The following STARD13 variants were observed in gnomAD, a reference collection of about 807,000 sequenced individuals.
The protein encoded by STARD13 is StAR related lipid transfer domain containing 13.
STARD13 carries 62 observed loss-of-function variants against 106.4 expected under a neutral mutation model. The observed-to-expected ratio is 0.58, with a 90% CI of 0.48 to 0.72. STARD13 has a LOEUF of 0.72. Ranked by LOEUF, STARD13 falls within the 30% of genes least tolerant of loss-of-function variation. The pLI is 0.00. For missense variants in STARD13, 1,387 were observed against 1,424.0 expected (o/e 0.97, Z 0.42); for synonymous variants, 565 against 553.0 (o/e 1.02, Z -0.31).
At chr13:33,322,308 G>A (rs1256286155) in intron 1 of STARD13, among the ~76,000 whole-genome samples, 1 of 152,174 alleles carries the variant, frequency 6.6e-6, no homozygotes, top group Non-Finnish European at 1.5e-5. Flanking sequence ...TTACTAACAT[G>A]AGCCTTCCAA....
chr13:33,301,558 CTTTTTTTTTCTTT>C (rs1566126832), intron 1 of STARD13, among the ~76,000 whole-genome samples: 8 of 13,034 alleles, frequency 6.1e-4, no homozygotes, highest in Non-Finnish European at 1.8e-3. Flanking sequence ...GTTTCTTTTT[CTTTTTTTTTCTTT>C]TTTTTTTTTT....
intron 1 of STARD13, among the ~76,000 whole-genome samples, chr13:33,323,549 C>T: frequency 6.6e-6 from 1 of 152,158 alleles, no homozygotes; most frequent in Admixed American, 6.5e-5. Flanking sequence ...CAGCACCCAG[C>T]AAAGTGACTT....
At chr13:33,228,068 TG>T (rs1888713609) in intron 1 of STARD13, among the ~76,000 whole-genome samples, 1 of 152,184 alleles carries the variant, frequency 6.6e-6, no homozygotes, top group South Asian at 2.1e-4. Context: ...GACTTGGATT[TG>T]TAAGGACATG....
chr13:33,340,750 G>A (rs372019299), intron 1 of STARD13, among the ~76,000 whole-genome samples: 7 of 152,158 alleles, frequency 4.6e-5, no homozygotes, highest in African/African-American at 1.7e-4. Context: ...AAGATGTCTT[G>A]ACACAGCAGA....
chr13:33,211,829 G>GTGTGTGTGTGTA (rs1887737193), intron 1 of STARD13, among the ~76,000 whole-genome samples: 2 of 64,864 alleles, frequency 3.1e-5, no homozygotes, highest in African/African-American at 1.6e-4. Flanking sequence ...GTGTGTGTAT[G>GTGTGTGTGTGTA]TGTGTGTGTG....
Position 33,264,041 on chromosome 13 carries a change from G to A in STARD13, c.169+21429C>T, listed in dbSNP as rs767921618. On this transcript the variant is annotated intron_variant, in intron 1 of 13. Transcript: ENST00000336934. The stretch of plus-strand genomic sequence containing the variant: ...ATGCAGTCTCCATGTGGGGAAGAAG[G>A]AAGCCTGGGCAACCACATGGACACA... Among the ~76,000 whole-genome samples, 55 of 152,176 alleles carry A rather than the reference G, an allele frequency of 3.6e-4. 1 individual carries two copies. Among genetic ancestry groups the A allele is most frequent in the Non-Finnish European group, 5.6e-4 (38 of 68,044 alleles).
chr13:33,211,673 A>G (rs1285151340), intron 1 of STARD13, among the ~76,000 whole-genome samples: 1 of 152,176 alleles, frequency 6.6e-6, no homozygotes, highest in Non-Finnish European at 1.5e-5. Flanking sequence ...TCTACTGTGT[A>G]TTGTTGAGGG....
intron 1 of STARD13, among the ~76,000 whole-genome samples, chr13:33,322,590 A>G (rs1351251301): frequency 6.6e-6 from 1 of 152,258 alleles, no homozygotes; most frequent in Non-Finnish European, 1.5e-5. Context: ...CTGGAGTTGC[A>G]GGAATGACCT....
At chr13:33,356,808 A>G in the STARD13 span, among the ~76,000 whole-genome samples, 2 of 152,254 alleles carry the variant, frequency 1.3e-5, no homozygotes, top group East Asian at 3.8e-4. Context: ...GCTAAACAGC[A>G]AGAAGTCACT....
chr13:33,647,043 G>A, the STARD13 span, among the ~76,000 whole-genome samples: 1,334 of 152,120 alleles, frequency 8.8e-3, 14 homozygotes, highest in Admixed American at 0.016. Flanking sequence ...AAAAGGAAAT[G>A]TTCCTTTAAG....
At chr13:33,412,411 A>C in the STARD13 span, among the ~76,000 whole-genome samples, 3 of 152,126 alleles carry the variant, frequency 2.0e-5, no homozygotes, top group African/African-American at 4.8e-5. Context: ...TGTAGGAAAA[A>C]GAAAAGAGAG....
the STARD13 span, among the ~76,000 whole-genome samples, chr13:33,411,877 A>G: frequency 6.6e-6 from 1 of 152,228 alleles, no homozygotes; most frequent in African/African-American, 2.4e-5. Context: ...AATATTATTC[A>G]GAGATGAATG....
the STARD13 span, among the ~76,000 whole-genome samples, chr13:33,644,660 G>C: frequency 6.6e-6 from 1 of 152,278 alleles, no homozygotes. Flanking sequence ...ACTTCCAGCT[G>C]TTCTTCCACT....
the STARD13 span, among the ~76,000 whole-genome samples, chr13:33,382,965 C>T: frequency 3.2e-4 from 49 of 152,274 alleles, no homozygotes; most frequent in East Asian, 9.6e-4. Flanking sequence ...TATTTATATA[C>T]GCAACATAAT....
intron 1 of STARD13, among the ~76,000 whole-genome samples, chr13:33,209,457 C>CTTTTTTTTTTTTT (rs1479939760): frequency 8.1e-6 from 1 of 123,110 alleles, no homozygotes; most frequent in African/African-American, 2.7e-5. Context: ...CTCTCTCTCT[C>CTTTTTTTTTTTTT]TCTTTTTTTT....
chr13:33,182,885 G>A (rs553987999), intron 1 of STARD13, among the ~76,000 whole-genome samples: 5 of 152,162 alleles, frequency 3.3e-5, no homozygotes, highest in Non-Finnish European at 5.9e-5. Context: ...CCATCACCAC[G>A]GCCCACAGTG....
chr13:33,418,714 G>A, the STARD13 span, among the ~76,000 whole-genome samples: 7 of 152,144 alleles, frequency 4.6e-5, no homozygotes, highest in South Asian at 1.2e-3. Context: ...TCATACAGGC[G>A]GGTGCCCCTC....
intron 13 of STARD13, 103 bp from the exon 14 acceptor site, chr13:33,105,813 A>G: frequency 3.3e-6 from 3 of 916,930 alleles, no homozygotes; most frequent in Non-Finnish European, 1.8e-6. Context: ...TGACCAGTGA[A>G]CCTGCAGACA....
At chr13:33,194,564 T>G (rs912627878) in intron 1 of STARD13, among the ~76,000 whole-genome samples, 5 of 152,220 alleles carry the variant, frequency 3.3e-5, no homozygotes, top group African/African-American at 9.6e-5. Flanking sequence ...AGGTATTTAG[T>G]GCAGAATGAA....
Sources: allele counts gnomAD v4.1 joint callset (sites outside exome capture counted in the v4.1 genomes callset), GRCh38; gene constraint gnomAD v4.1.1; transcripts MANE v1.5; gene names NCBI Gene and HGNC (gene_info 2026-07-23, HGNC 2026-07-21).